Variants in SYT1 observed in about 807,000 individuals in gnomAD.
The protein encoded by SYT1 is synaptotagmin 1.
A neutral mutation model predicts 44.8 loss-of-function variants in SYT1; 8 were observed. The observed-to-expected ratio is 0.18, with a 90% CI of 0.10 to 0.32. The LOEUF is 0.32. Among genes scored for constraint, SYT1 ranks in the 10% least tolerant of loss-of-function variants. The pLI, the probability that SYT1 is intolerant of heterozygous loss-of-function variation, is 1.00. For missense variants in SYT1, 286 were observed against 509.3 expected, an observed-to-expected ratio of 0.56 and a Z score of 4.22; for synonymous variants, 154 against 188.8, an observed-to-expected ratio of 0.82 and a Z score of 1.51.
intron 3 of SYT1, among the ~76,000 whole-genome samples, chr12:79,149,010 G>C (rs146508259): frequency 6.6e-6 from 1 of 152,032 alleles, no homozygotes. Flanking sequence ...ACATCCTAAA[G>C]TTAAAAAGGA....
chr12:78,913,669 A>G (rs1194432973), intron 1 of SYT1, among the ~76,000 whole-genome samples: 1 of 151,862 alleles, frequency 6.6e-6, no homozygotes, highest in Non-Finnish European at 1.5e-5. Flanking sequence ...TGCTTGATTG[A>G]TAATCAGATT....
intron 1 of SYT1, among the ~76,000 whole-genome samples, chr12:78,876,248 C>T (rs1340983169): frequency 6.6e-6 from 1 of 151,458 alleles, no homozygotes; most frequent in Non-Finnish European, 1.5e-5. Flanking sequence ...GTTTCAAGAA[C>T]TCAATAACCT....
intron 9 of SYT1, among the ~76,000 whole-genome samples, chr12:79,374,505 A>G (rs1883915563): frequency 6.6e-6 from 1 of 152,336 alleles, no homozygotes; most frequent in South Asian, 2.1e-4. Context: ...ATTCTAACAA[A>G]TGGTAATTTC....
intron 3 of SYT1, among the ~76,000 whole-genome samples, chr12:79,189,421 T>A (rs1350214231): frequency 6.6e-6 from 1 of 152,218 alleles, no homozygotes; most frequent in East Asian, 1.9e-4. Flanking sequence ...TATGTTCAAG[T>A]CATTATAGCT....
chr12:78,989,941 A>G (rs536958614), intron 2 of SYT1, among the ~76,000 whole-genome samples: 30 of 152,242 alleles, frequency 2.0e-4, no homozygotes, highest in African/African-American at 7.0e-4. Flanking sequence ...ATAAAACTCT[A>G]TGTGGCTACT....
At chr12:78,973,936 AAAATATATATATATATATATATATAT>A (rs1868602135) in intron 1 of SYT1, among the ~76,000 whole-genome samples, 5 of 25,304 alleles carry the variant, frequency 2.0e-4, no homozygotes, top group Non-Finnish European at 2.6e-4. Context: ...AAAAAAAAAA[AAAATATATATATATATATATATATAT>A]ATATATATAT....
chr12:78,905,899 AG>A (rs1188878818), intron 1 of SYT1, among the ~76,000 whole-genome samples: 1 of 152,042 alleles, frequency 6.6e-6, no homozygotes, highest in African/African-American at 2.4e-5. Flanking sequence ...GCATCAAGGA[AG>A]TTTTTTCCCC....
At chr12:78,881,084 T>C (rs1177943236) in intron 1 of SYT1, among the ~76,000 whole-genome samples, 3 of 151,642 alleles carry the variant, frequency 2.0e-5, no homozygotes, top group Non-Finnish European at 4.4e-5. Context: ...ATTATTCTTC[T>C]GATTGACATA....
Position 78,978,993 on chromosome 12 carries a change from T to G in SYT1, c.-84+1062T>G, listed in dbSNP as rs140950315. ...ACCTTTTAGGAATAAATTATTTCAG[T>G]ACTAGAACTTTCTCCTATCTCTTGC... On this transcript the variant is annotated intron_variant, in intron 2 of 10. Coordinates refer to ENST00000261205, the MANE Select transcript of SYT1 (RefSeq NM_005639.3). Among the ~76,000 whole-genome samples, 193 of 152,316 alleles carry G rather than the reference T, an allele frequency of 1.3e-3. 1 individual carries two copies. The highest frequency in any genetic ancestry group is 4.4e-3 in the African/African-American group (184 of 41,578).
intron 3 of SYT1, among the ~76,000 whole-genome samples, chr12:79,158,291 G>A (rs928653578): frequency 1.3e-5 from 2 of 152,018 alleles, no homozygotes; most frequent in African/African-American, 4.8e-5. Flanking sequence ...ATTCTCATAG[G>A]GAGCACACAA....
intron 3 of SYT1, among the ~76,000 whole-genome samples, chr12:79,152,876 TA>T (rs11334533): frequency 0.041 from 5,039 of 123,810 alleles, 173 homozygotes; most frequent in East Asian, 0.16. Context: ...AAGAAAAATG[TA>T]AAAAAAAAAA....
rs765776560 is a variant in SYT1 at position 79,061,026 on chromosome 12, G to A, written c.-18+13664G>A. Among the ~76,000 whole-genome samples, 14 of 152,080 alleles carry A rather than the reference G, an allele frequency of 9.2e-5. No individual in the cohort carries two copies. In the East Asian group the frequency reaches 1.4e-3, roughly 15 times the overall value. On this transcript the variant is annotated intron_variant, in intron 3 of 10. Transcript: ENST00000261205. ...ACATTGACTGTTCTTCAGAAGATTC[G>A]TGAAGTTAGGGTATTTAAAAATTGC... is the stretch of plus-strand genomic sequence containing the variant.
intron 3 of SYT1, among the ~76,000 whole-genome samples, chr12:79,125,524 G>T (rs1161667250): frequency 6.6e-6 from 1 of 151,106 alleles, no homozygotes; most frequent in Non-Finnish European, 1.5e-5. Context: ...GGTGGCTGAG[G>T]TGGGAGGATT....
At chr12:79,030,146 T>G (rs189013244) in intron 2 of SYT1, among the ~76,000 whole-genome samples, 1 of 151,326 alleles carries the variant, frequency 6.6e-6, no homozygotes, top group Non-Finnish European at 1.5e-5. Context: ...CTGTGACACA[T>G]TAAATGAAAC....
intron 2 of SYT1, among the ~76,000 whole-genome samples, chr12:79,006,847 T>C (rs1253403272): frequency 6.6e-6 from 1 of 152,148 alleles, no homozygotes; most frequent in African/African-American, 2.4e-5. Context: ...CTTAATTCCT[T>C]TGAAACACAG....
chr12:79,256,390 A>G (rs540518713), intron 4 of SYT1, among the ~76,000 whole-genome samples: 1 of 152,318 alleles, frequency 6.6e-6, no homozygotes, highest in African/African-American at 2.4e-5. Context: ...GTAGCTCCAG[A>G]TTGATTTTAA....
rs1565965367 is a variant in SYT1 at position 79,451,865 on chromosome 12, T to TTGGCTGAATATTCA, written c.*2741_*2742insTGGCTGAATATTCA. 6.6e-6 allele frequency: 1 copy of TTGGCTGAATATTCA among 152,262 alleles called. No homozygotes were observed. The highest frequency in any genetic ancestry group is 1.5e-5 in the Non-Finnish European group (1 of 68,044). 9.4% of individuals were successfully genotyped at this position (152,262 alleles called of 1,614,324 possible). On this transcript the variant is annotated 3_prime_UTR_variant, in exon 11 of 11. Transcript: ENST00000261205. ...TGGCCTGCGAGCCAACTATTTCAGC[T>TTGGCTGAATATTCA]GTATTTTACCTTCATTTTTGATGAG...
intron 2 of SYT1, among the ~76,000 whole-genome samples, chr12:78,999,709 A>G (rs928822944): frequency 3.3e-5 from 5 of 152,298 alleles, no homozygotes; most frequent in Admixed American, 3.3e-4. Context: ...GAATTGAGGT[A>G]ATTCAGGAAT....
At chr12:79,207,337 C>T (rs1874182881) in intron 3 of SYT1, among the ~76,000 whole-genome samples, 1 of 152,170 alleles carries the variant, frequency 6.6e-6, no homozygotes, top group South Asian at 2.1e-4. Flanking sequence ...ATCCATCTCT[C>T]CTCAGAGAAA....
Sources: gnomAD v4.1 joint callset for allele counts (sites outside exome capture counted in the v4.1 genomes callset) on GRCh38, gnomAD v4.1.1 for gene constraint, MANE v1.5 for transcripts, NCBI Gene and HGNC (gene_info 2026-07-23, HGNC 2026-07-21) for gene names.